XPO6: variants seen among roughly 807,000 people sequenced by gnomAD.
The protein encoded by XPO6 is exportin 6.
XPO6 carries 3 observed loss-of-function variants against 130.0 expected under a neutral mutation model. That is an observed-to-expected ratio of 0.02 (90% CI 0.01 to 0.06). The LOEUF is 0.06. Among genes scored for constraint, XPO6 ranks in the 10% least tolerant of loss-of-function variants. The pLI, the probability that XPO6 is intolerant of heterozygous loss-of-function variation, is 1.00. For synonymous variants in XPO6, 524 were observed against 548.9 expected, an observed-to-expected ratio of 0.95 and a Z score of 0.63; for missense variants, 970 against 1,393.0, an observed-to-expected ratio of 0.70 and a Z score of 4.83.
intron 14 of XPO6, 48 bp downstream of exon 14, chr16:28,121,622 G>T: frequency 7.4e-7 from 1 of 1,346,830 alleles, no homozygotes. Flanking sequence ...TGGAGATTGG[G>T]GGCAAGGTCT....
At chr16:28,102,004 C>A in intron 21 of XPO6, 59 bp from the exon 22 acceptor site, 2 of 1,443,882 alleles carry the variant, frequency 1.4e-6, no homozygotes, top group Non-Finnish European at 1.9e-6. Flanking sequence ...GGAGCATCTA[C>A]CCCATGTCAG....
At chr16:28,157,048 AG>A (rs1336581763) in intron 6 of XPO6, among the ~76,000 whole-genome samples, 1 of 152,336 alleles carries the variant, frequency 6.6e-6, no homozygotes, top group African/African-American at 2.4e-5. Flanking sequence ...AAAACTTTAA[AG>A]TTAACAGAAG....
rs1251090416 is a variant in XPO6 at position 28,206,035 on chromosome 16, C to CA, written c.3+5330dup. Among the ~76,000 whole-genome samples the CA allele has an allele frequency of 6.0e-3, 554 of 92,648 alleles. 49 individuals carry two copies. Among genetic ancestry groups the CA allele is most frequent in the Admixed American group, 7.3e-3 (57 of 7,850 alleles). The allele number at this position is 92,648 out of a possible 152,430, so 60.8% of individuals were successfully genotyped here. ...CCTAGGCGACAGAGCAAGACTGTCT[C>CA]AAAAAAAAAAAAAAAAAAACTGCCT... On this transcript the variant is annotated intron_variant, in intron 1 of 23. Transcript: ENST00000304658.
chr16:28,193,119 G>A (rs1362251235), intron 1 of XPO6, among the ~76,000 whole-genome samples: 1 of 152,178 alleles, frequency 6.6e-6, no homozygotes, highest in East Asian at 1.9e-4. Flanking sequence ...GTTGCCACCA[G>A]CTTGTCCCTC....
In XPO6 at chr16:28,211,804, C is replaced by T; in HGVS notation, c.-436G>A. 4.1e-6 allele frequency: 1 copy of T among 245,452 alleles called. No individual in the cohort carries two copies. The allele number at this position is 245,452 out of a possible 1,614,324, so 15.2% of individuals were successfully genotyped here. A position where few individuals can be genotyped will look rare whatever the true frequency, so the allele number is the denominator to read the frequency against. ...GGCCTCGACCGCGCGGCCCAGGCGG[C>T]CGGCTCAGGGGAGAGGCCCGGGGGC... On this transcript the variant is annotated 5_prime_UTR_variant, in exon 1 of 24. Coordinates refer to ENST00000304658, the MANE Select transcript of XPO6 (RefSeq NM_015171.4).
chr16:28,177,386 C>T (rs2043550046), intron 2 of XPO6, 54 bp from the exon 3 acceptor site: 1 of 1,007,804 alleles, frequency 9.9e-7, no homozygotes, highest in African/African-American at 1.6e-5. Context: ...TGAAATTAGA[C>T]AAGACTGGGC....
chr16:28,101,891 A>G lies in XPO6; in HGVS notation c.3001T>C (p.Phe1001Leu). Reference sequence around the variant, plus strand: ...TTGGTGTTGAGAGTCTCCAAGTAGAAGAGATTTTGTTTAAAAAGGTGGATG... The same window carrying G: ...TTGGTGTTGAGAGTCTCCAAGTAGAGGAGATTTTGTTTAAAAAGGTGGATG... The part of the protein sequence containing the change: ...PDIHLFKQNL[F>L]YLETLNTKQK... The change falls in exon 22 of 24, where the codon TTC (phenylalanine) becomes CTC (leucine). Residue 1001 changes from phenylalanine (F) to leucine (L), a missense_variant. Physicochemically the swap from Phe to Leu is conservative, Grantham distance 22. This residue lies in a region of XPO6 where 936 missense variants were observed against 1,306.8 expected (regional missense o/e 0.72). Coordinates refer to ENST00000304658, the MANE Select transcript of XPO6 (RefSeq NM_015171.4). This position sits in a 1 kb window ranked among gnomAD's most constrained non-coding sequence, Gnocchi z 5.4. The G allele has an allele frequency of 6.2e-7, 1 of 1,614,190 alleles. No individual in the cohort carries two copies. Among genetic ancestry groups the G allele is most frequent in the East Asian group, 2.2e-5 (1 of 44,864 alleles).
chr16:28,117,248 T>G, intron 15 of XPO6, 70 bp downstream of exon 15: 1 of 1,575,362 alleles, frequency 6.3e-7, no homozygotes, highest in Non-Finnish European at 8.7e-7. Flanking sequence ...GATTTTCTAG[T>G]AAATGGGTAT....
At position 28,101,982 on chromosome 16, in the gene XPO6, C is replaced by T; in HGVS notation, c.2947-37G>A. On this transcript the variant is annotated intron_variant, in intron 21 of 23. Coordinates refer to ENST00000304658, the MANE Select transcript of XPO6 (RefSeq NM_015171.4). The surrounding 1 kb of genome is among the most constrained non-coding windows in gnomAD (Gnocchi z 5.4). ...GACCACCATTTTATAAACTGCAAGA[C>T]CAAGCACTTCTGGAGCATCTACCCC... 4.5e-6 allele frequency: 7 copies of T among 1,566,572 alleles called. No individual in the cohort carries two copies. Among genetic ancestry groups the T allele is most frequent in the Non-Finnish European group, 6.1e-6 (7 of 1,139,526 alleles).
Position 28,211,514 on chromosome 16 carries a change from GACCCTCTAAA to G in XPO6, c.-156_-147del. The stretch of plus-strand genomic sequence containing the variant: ...CCCCTTCCCCACCGGGCCCCGAGGG[GACCCTCTAAA>G]AAGGGCAGGGCCGCCCGGGTCGCCT... On this transcript the variant is annotated 5_prime_UTR_variant, in exon 1 of 24. An upstream open reading frame in the 5' UTR loses its in-frame stop. Transcript: ENST00000304658. 3.9e-6 allele frequency: 4 copies of G among 1,015,886 alleles called. No individual in the cohort carries two copies. Among genetic ancestry groups the G allele is most frequent in the Non-Finnish European group, 5.2e-6 (4 of 775,728 alleles). 62.9% of individuals were successfully genotyped at this position (1,015,886 alleles called of 1,614,324 possible). A position where few individuals can be genotyped will look rare whatever the true frequency, so the allele number is the denominator to read the frequency against.
chr16:28,101,260 C>G lies in XPO6; in HGVS notation c.3276+198G>C. 1.5e-6 allele frequency: 1 copy of G among 669,010 alleles called. No homozygotes were observed. The highest frequency in any genetic ancestry group is 2.7e-6 in the Non-Finnish European group (1 of 368,158). 41.4% of individuals were successfully genotyped at this position (669,010 alleles called of 1,614,324 possible). On this transcript the variant is annotated intron_variant, in intron 23 of 23. Transcript: ENST00000304658. The surrounding 1 kb of genome is among the most constrained non-coding windows in gnomAD (Gnocchi z 5.4). Reference sequence around the variant, plus strand: ...ACTAAGAACATACGTGCTACAGACACCAAGACTGGGGAAAAGGCTGTGCCC... The same window carrying G: ...ACTAAGAACATACGTGCTACAGACAGCAAGACTGGGGAAAAGGCTGTGCCC...
intron 6 of XPO6, among the ~76,000 whole-genome samples, chr16:28,164,368 A>G (rs972908114): frequency 1.3e-5 from 2 of 152,256 alleles, no homozygotes; most frequent in Admixed American, 1.3e-4. Flanking sequence ...ATCAAAATGA[A>G]TGGTGATTGC....
At position 28,156,110 on chromosome 16, in the gene XPO6, T is replaced by A; in HGVS notation, c.1061A>T (p.His354Leu). The change falls in exon 7 of 24, where the codon CAC becomes CTC. Residue 354 changes from histidine to leucine, a missense_variant. Transcript: ENST00000304658. The part of the protein sequence containing the change: ...LQKITKDNNA[H>L]TVKSRLEELD... ...CTCTTCTAGCCTGCTCTTCACTGTG[T>A]GGGCATTGTTATCCTTGGTGATTTT... 6.2e-7 allele frequency: 1 copy of A among 1,612,884 alleles called. No homozygotes were observed. The highest frequency in any genetic ancestry group is 8.5e-7 in the Non-Finnish European group (1 of 1,179,198).
intron 14 of XPO6, among the ~76,000 whole-genome samples, chr16:28,120,333 TAGC>T (rs1303459976): frequency 6.6e-6 from 1 of 152,238 alleles, no homozygotes; most frequent in East Asian, 1.9e-4. Context: ...TTTTCAAAAT[TAGC>T]AGTTGGGTAA....
intron 6 of XPO6, among the ~76,000 whole-genome samples, chr16:28,160,734 T>A (rs1258830478): frequency 6.6e-6 from 1 of 152,196 alleles, no homozygotes; most frequent in Admixed American, 6.5e-5. Context: ...GTCCTCACTC[T>A]TAAAAATTAC....
At chr16:28,174,080 T>C (rs2141858979) in intron 4 of XPO6, among the ~76,000 whole-genome samples, 1 of 152,226 alleles carries the variant, frequency 6.6e-6, no homozygotes, top group East Asian at 1.9e-4. Flanking sequence ...AAGAGAGCCT[T>C]GGAGAGGGTT....
rs867185773 is a variant in XPO6 at position 28,116,947 on chromosome 16, G to A, written c.2004+371C>T. The stretch of plus-strand genomic sequence containing the variant: ...TCAACTTGTAAAAAACACAGTCTCT[G>A]TGAAGCGCAATAAAGGGAAGTGCAA... On this transcript the variant is annotated intron_variant, in intron 15 of 23. Coordinates refer to ENST00000304658, the MANE Select transcript of XPO6 (RefSeq NM_015171.4). 47 of 190,552 alleles carry A rather than the reference G, an allele frequency of 2.5e-4. No homozygotes were observed. In the Middle Eastern group the frequency reaches 7.1e-3, roughly 29 times the overall value. The allele number at this position is 190,552 out of a possible 1,614,324, so 11.8% of individuals were successfully genotyped here. A position where few individuals can be genotyped will look rare whatever the true frequency, so the allele number is the denominator to read the frequency against.
At chr16:28,158,348 A>G (rs2043215804) in intron 6 of XPO6, among the ~76,000 whole-genome samples, 1 of 152,232 alleles carries the variant, frequency 6.6e-6, no homozygotes, top group African/African-American at 2.4e-5. Context: ...TCCAGAGGCT[A>G]CATCACATGG....
chr16:28,211,343 A>G (rs768278990), intron 1 of XPO6, 23 bp downstream of exon 1: 1 of 1,312,224 alleles, frequency 7.6e-7, no homozygotes, highest in Non-Finnish European at 9.8e-7. Context: ...CCCAGGAGGG[A>G]AGGGGGCTCC....
Sources: allele counts gnomAD v4.1 joint callset (sites outside exome capture counted in the v4.1 genomes callset), GRCh38; gene constraint gnomAD v4.1.1; regional missense constraint gnomAD v4.1.1; non-coding constraint Gnocchi (gnomAD v3.1); transcripts MANE v1.5; gene names NCBI Gene and HGNC (gene_info 2026-07-23, HGNC 2026-07-21).